OTUD7A: variants seen among roughly 807,000 people sequenced by gnomAD.
OTUD7A encodes OTU domain-containing protein 7A.
In OTUD7A, 12 loss-of-function variants were observed where a neutral mutation model predicts 65.7. That is an observed-to-expected ratio of 0.18 (90% confidence interval 0.12 to 0.30). OTUD7A has a LOEUF of 0.30. OTUD7A is among the 10% of genes least tolerant of loss of function. The probability of loss-of-function intolerance (pLI) is 1.00; values close to 1 mark genes in which losing one functional copy is unlikely to be tolerated. For synonymous variants in OTUD7A, 641 were observed against 586.3 expected (o/e 1.09, Z -1.35); for missense variants, 1,148 against 1,304.8 (o/e 0.88, Z 1.85).
At chr15:31,804,565 T>C (rs1896219467) in intron 1 of OTUD7A, among the ~76,000 whole-genome samples, 1 of 152,078 alleles carries the variant, frequency 6.6e-6, no homozygotes, top group Non-Finnish European at 1.5e-5. Context: ...CTACTGCCCC[T>C]CGACTTCACA....
intron 4 of OTUD7A, among the ~76,000 whole-genome samples, chr15:31,561,984 T>C (rs1468191744): frequency 6.6e-6 from 1 of 152,176 alleles, no homozygotes; most frequent in Non-Finnish European, 1.5e-5. Flanking sequence ...AAAGGGGAGA[T>C]GTATTAACTA....
chr15:31,765,094 C>T (rs1211645544), intron 1 of OTUD7A, among the ~76,000 whole-genome samples: 1 of 152,110 alleles, frequency 6.6e-6, no homozygotes, highest in Non-Finnish European at 1.5e-5. Flanking sequence ...ACTTCTTTTA[C>T]ATCCTCATCT....
chr15:31,841,119 C>A (rs141356419), intron 1 of OTUD7A, among the ~76,000 whole-genome samples: 1 of 152,304 alleles, frequency 6.6e-6, no homozygotes, highest in East Asian at 1.9e-4. Flanking sequence ...CTGCTTGGTA[C>A]ACAGAGGTGG....
At chr15:31,808,134 C>CACACAA (rs1555420116) in intron 1 of OTUD7A, among the ~76,000 whole-genome samples, 4 of 95,706 alleles carry the variant, frequency 4.2e-5, no homozygotes, top group Non-Finnish European at 9.1e-5. Flanking sequence ...CACACACACA[C>CACACAA]ACAAACAAAT....
intron 3 of OTUD7A, among the ~76,000 whole-genome samples, chr15:31,595,943 T>G (rs1036273442): frequency 1.1e-4 from 17 of 152,072 alleles, no homozygotes; most frequent in Admixed American, 9.2e-4. Flanking sequence ...GGAGTCCCCT[T>G]TATACTTCAA....
At chr15:31,632,168 CTTT>C (rs1891186165) in intron 3 of OTUD7A, among the ~76,000 whole-genome samples, 2 of 152,196 alleles carry the variant, frequency 1.3e-5, no homozygotes, top group Admixed American at 1.3e-4. Flanking sequence ...AGGTGCTCTG[CTTT>C]TTAGTGTTTC....
At chr15:31,700,381 G>A (rs549160312) in intron 1 of OTUD7A, among the ~76,000 whole-genome samples, 7 of 152,012 alleles carry the variant, frequency 4.6e-5, no homozygotes, top group East Asian at 3.9e-4. Context: ...GCACTTATAC[G>A]TCTCACAGGT....
At chr15:31,857,341 G>A (rs1449439081) in intron 1 of OTUD7A, among the ~76,000 whole-genome samples, 2 of 152,208 alleles carry the variant, frequency 1.3e-5, no homozygotes, top group Admixed American at 1.3e-4. Flanking sequence ...TTAGCCAGGA[G>A]CCGGGCCTCC....
intron 3 of OTUD7A, among the ~76,000 whole-genome samples, chr15:31,646,286 G>A (rs1891660769): frequency 6.6e-6 from 1 of 152,034 alleles, no homozygotes; most frequent in Non-Finnish European, 1.5e-5. Context: ...AAAGTGAAAG[G>A]ACACAAAGTG....
chr15:31,554,432 G>A (rs932741782), intron 5 of OTUD7A, among the ~76,000 whole-genome samples: 1 of 152,160 alleles, frequency 6.6e-6, no homozygotes, highest in African/African-American at 2.4e-5. Flanking sequence ...GGCTCCAGCC[G>A]GCCAAGTGAC....
At chr15:31,590,469 ATAAAT>A (rs79269163) in intron 3 of OTUD7A, among the ~76,000 whole-genome samples, 7,806 of 152,312 alleles carry the variant, frequency 0.051, 342 homozygotes, top group Non-Finnish European at 0.066. Flanking sequence ...ATATACAATA[ATAAAT>A]TAAACACACA....
chr15:31,655,700 C>A (rs1891970712), intron 2 of OTUD7A, among the ~76,000 whole-genome samples: 1 of 152,204 alleles, frequency 6.6e-6, no homozygotes, highest in Non-Finnish European at 1.5e-5. Context: ...TGTATTTTGA[C>A]ATAGCAGCCC....
chr15:31,614,058 C>A (rs1312991541), intron 3 of OTUD7A, among the ~76,000 whole-genome samples: 1 of 152,086 alleles, frequency 6.6e-6, no homozygotes, highest in African/African-American at 2.4e-5. Flanking sequence ...GAATGAAAAA[C>A]CAAACATCAT....
chr15:31,527,678 C>G lies in OTUD7A; in HGVS notation c.653-370G>C, dbSNP rs180802137. ...TGACTAGGGGACAGGGACAGGCTGT[C>G]CAGTGTCCTTATGGAGGGCTCCAGG... On this transcript the variant is annotated intron_variant, in intron 6 of 12. Coordinates refer to ENST00000307050, the MANE Select transcript of OTUD7A (RefSeq NM_001382637.1). Among the ~76,000 whole-genome samples the G allele has an allele frequency of 7.0e-3, 1,065 of 152,294 alleles. 14 individuals are homozygous for G. The highest frequency in any genetic ancestry group is 0.024 in the African/African-American group (984 of 41,572).
intron 1 of OTUD7A, among the ~76,000 whole-genome samples, chr15:31,808,045 G>C (rs909020898): frequency 1.3e-5 from 2 of 151,210 alleles, no homozygotes; most frequent in African/African-American, 2.4e-5. Flanking sequence ...GGCCAGAAGA[G>C]AGAAAACCCC....
chr15:31,830,101 C>A, intron 1 of OTUD7A, among the ~76,000 whole-genome samples: 1 of 152,160 alleles, frequency 6.6e-6, no homozygotes, highest in Non-Finnish European at 1.5e-5. Context: ...TTGCTCGAGT[C>A]CAAGCATCTG....
chr15:31,476,663 G>A lies in OTUD7A; in HGVS notation c.*6631C>T, dbSNP rs1020942128. 3 of 152,290 alleles carry A rather than the reference G, an allele frequency of 2.0e-5. No individual in the cohort carries two copies. The highest frequency in any genetic ancestry group is 4.8e-5 in the African/African-American group (2 of 41,458). The allele number at this position is 152,290 out of a possible 1,614,324, so 9.4% of individuals were successfully genotyped here. ...TGGACAGCTGCAGAGAGGGCATCAC[G>A]ATGGAGACCTTATGCCCCCTCCCAC... is the stretch of plus-strand genomic sequence containing the variant. On this transcript the variant is annotated 3_prime_UTR_variant, in exon 13 of 13. Coordinates refer to ENST00000307050, the MANE Select transcript of OTUD7A (RefSeq NM_001382637.1).
At chr15:31,745,300 G>A (rs1566999572) in intron 1 of OTUD7A, among the ~76,000 whole-genome samples, 1 of 151,962 alleles carries the variant, frequency 6.6e-6, no homozygotes, top group Non-Finnish European at 1.5e-5. Flanking sequence ...TTACTATAAA[G>A]CTACAGTAAT....
At chr15:31,677,230 TGG>T (rs1892613890) in intron 1 of OTUD7A, among the ~76,000 whole-genome samples, 1 of 152,196 alleles carries the variant, frequency 6.6e-6, no homozygotes, top group Admixed American at 6.5e-5. Flanking sequence ...GTAGAGCTGC[TGG>T]ATGGGAGAAA....
Sources: allele counts gnomAD v4.1 joint callset (sites outside exome capture counted in the v4.1 genomes callset), GRCh38; gene constraint gnomAD v4.1.1; transcripts MANE v1.5; gene names NCBI Gene and HGNC (gene_info 2026-07-23, HGNC 2026-07-21).